THSD4: variants seen among roughly 807,000 people sequenced by gnomAD.
THSD4 encodes the protein thrombospondin type-1 domain-containing protein 4.
THSD4 carries 69 observed loss-of-function variants against 119.0 expected under a neutral mutation model. The ratio of observed to expected loss-of-function variants is 0.58; its 90% CI spans 0.48 to 0.71. The LOEUF is 0.71. Among genes scored for constraint, THSD4 ranks in the 30% least tolerant of loss-of-function variants. The pLI is 0.00. For missense variants in THSD4, 1,393 were observed against 1,391.1 expected, an observed-to-expected ratio of 1.00 and a Z score of -0.02; for synonymous variants, 524 against 540.4, an observed-to-expected ratio of 0.97 and a Z score of 0.42.
chr15:71,745,067 G>A (rs1238047700), intron 11 of THSD4, 39 bp from the exon 12 acceptor site: 2 of 1,598,088 alleles, frequency 1.3e-6, no homozygotes, highest in Non-Finnish European at 1.7e-6. Context: ...GCTTTCCAGT[G>A]TGTGGGACTG....
intron 8 of THSD4, among the ~76,000 whole-genome samples, chr15:71,667,160 A>G (rs909054495): frequency 6.6e-6 from 1 of 152,148 alleles, no homozygotes; most frequent in Non-Finnish European, 1.5e-5. Flanking sequence ...AGAGTCCTAA[A>G]TTTTTTTAAA....
intron 2 of THSD4, among the ~76,000 whole-genome samples, chr15:71,149,179 C>T (rs537034553): frequency 6.6e-6 from 1 of 152,170 alleles, no homozygotes; most frequent in Non-Finnish European, 1.5e-5. Flanking sequence ...GCTGGGACTA[C>T]AGGCACTTAA....
At chr15:71,682,409 T>C (rs2051800461) in intron 8 of THSD4, among the ~76,000 whole-genome samples, 1 of 152,240 alleles carries the variant, frequency 6.6e-6, no homozygotes, top group Admixed American at 6.5e-5. Flanking sequence ...TAGAACTTGA[T>C]CAGCTCCCAG....
intron 7 of THSD4, among the ~76,000 whole-genome samples, chr15:71,477,257 T>G (rs937921492): frequency 9.2e-5 from 14 of 152,214 alleles, no homozygotes; most frequent in African/African-American, 3.4e-4. Context: ...AGACGGGGTC[T>G]TCTTCTGTTT....
intron 7 of THSD4, among the ~76,000 whole-genome samples, chr15:71,574,434 G>C (rs2049412217): frequency 6.6e-6 from 1 of 152,046 alleles, no homozygotes; most frequent in African/African-American, 2.4e-5. Flanking sequence ...CTAACACTAA[G>C]TTTTGGAAAC....
intron 7 of THSD4, among the ~76,000 whole-genome samples, chr15:71,559,219 C>T (rs2049072601): frequency 6.6e-6 from 1 of 152,174 alleles, no homozygotes; most frequent in African/African-American, 2.4e-5. Flanking sequence ...CATGGCTGAC[C>T]TCAGCATTCT....
At chr15:71,156,569 G>A (rs1349843103) in intron 3 of THSD4, among the ~76,000 whole-genome samples, 2 of 152,172 alleles carry the variant, frequency 1.3e-5, no homozygotes, top group Non-Finnish European at 2.9e-5. Context: ...TGGCCTGAGA[G>A]AGGGTTTTCA....
intron 7 of THSD4, among the ~76,000 whole-genome samples, chr15:71,659,777 T>G (rs1428331837): frequency 1.3e-5 from 2 of 152,080 alleles, no homozygotes; most frequent in Non-Finnish European, 2.9e-5. Flanking sequence ...GAGGGAGAGA[T>G]AAAGCAAAAA....
chr15:71,710,029 G>C (rs2052477099), intron 8 of THSD4, among the ~76,000 whole-genome samples: 1 of 152,204 alleles, frequency 6.6e-6, no homozygotes, highest in African/African-American at 2.4e-5. Context: ...GATGTCACTT[G>C]GTGATGATGA....
intron 6 of THSD4, among the ~76,000 whole-genome samples, chr15:71,305,159 A>G (rs1567188710): frequency 1.3e-5 from 2 of 152,190 alleles, no homozygotes; most frequent in Non-Finnish European, 2.9e-5. Context: ...GAAAATGGAA[A>G]TCACTTGGCT....
chr15:71,557,747 T>C (rs987810385), intron 7 of THSD4, among the ~76,000 whole-genome samples: 1 of 152,196 alleles, frequency 6.6e-6, no homozygotes, highest in Non-Finnish European at 1.5e-5. Flanking sequence ...CGTTTTCCAG[T>C]TTATTAACAT....
intron 8 of THSD4, among the ~76,000 whole-genome samples, chr15:71,703,943 G>A (rs750361297): frequency 2.6e-5 from 4 of 152,102 alleles, no homozygotes; most frequent in Non-Finnish European, 5.9e-5. Flanking sequence ...TCTGCCTCCC[G>A]GGTTCACGCC....
At chr15:71,341,222 A>G (rs999480412) in intron 6 of THSD4, 30 of 1,585,948 alleles carry the variant, frequency 1.9e-5, no homozygotes, top group Non-Finnish European at 2.5e-5. Flanking sequence ...CTTCTGGGCA[A>G]CCTCCTCTTC....
intron 7 of THSD4, among the ~76,000 whole-genome samples, chr15:71,509,061 C>T (rs185837632): frequency 2.0e-4 from 31 of 151,822 alleles, no homozygotes; most frequent in Admixed American, 9.8e-4. Context: ...GGAAGCAGTC[C>T]TCCATGGGTT....
chr15:71,272,211 G>A (rs571832443), intron 6 of THSD4, among the ~76,000 whole-genome samples: 1 of 151,818 alleles, frequency 6.6e-6, no homozygotes, highest in Non-Finnish European at 1.5e-5. Context: ...GACCAGCCTG[G>A]CCAACATAGT....
At chr15:71,523,539 C>G (rs1015378727) in intron 7 of THSD4, among the ~76,000 whole-genome samples, 1 of 152,108 alleles carries the variant, frequency 6.6e-6, no homozygotes, top group African/African-American at 2.4e-5. Context: ...TTTGGGAGAC[C>G]ACGCTTCAAC....
intron 15 of THSD4, among the ~76,000 whole-genome samples, chr15:71,760,874 A>G (rs1216146979): frequency 1.3e-5 from 2 of 152,108 alleles, no homozygotes; most frequent in Non-Finnish European, 2.9e-5. Flanking sequence ...ATTACATTTT[A>G]TCTACTATTT....
chr15:71,513,402 G>C (rs2048311033), intron 7 of THSD4, among the ~76,000 whole-genome samples: 1 of 152,106 alleles, frequency 6.6e-6, no homozygotes, highest in South Asian at 2.1e-4. Flanking sequence ...TTTAGAATAT[G>C]GAAAGAACTC....
intron 7 of THSD4, among the ~76,000 whole-genome samples, chr15:71,449,808 G>A (rs1203749175): frequency 6.6e-6 from 1 of 152,190 alleles, no homozygotes; most frequent in Non-Finnish European, 1.5e-5. Flanking sequence ...TACCCAATAT[G>A]CAGGCCCAAC....
Sources: allele counts gnomAD v4.1 joint callset (sites outside exome capture counted in the v4.1 genomes callset), GRCh38; gene constraint gnomAD v4.1.1; transcripts MANE v1.5; gene names NCBI Gene and HGNC (gene_info 2026-07-23, HGNC 2026-07-21).